The following NEMP1 variants were observed in gnomAD, a reference collection of about 807,000 sequenced individuals.
NEMP1 encodes nuclear envelope integral membrane protein 1.
Under a neutral mutation model 53.7 loss-of-function variants are expected in NEMP1, and 29 were observed. That is an observed-to-expected ratio of 0.54 (90% CI 0.40 to 0.74). The LOEUF (loss-of-function observed/expected upper bound fraction) is 0.74, where lower values mean the gene tolerates loss of function less well. Ranked by LOEUF, NEMP1 falls within the 30% of genes least tolerant of loss-of-function variation. NEMP1 has a pLI of 0.00. For missense variants in NEMP1, 477 were observed against 528.6 expected (o/e 0.90, Z 0.96); for synonymous variants, 193 against 192.9 (o/e 1.00, Z 0.00).
At chr12:57,064,255 G>T in intron 5 of NEMP1, 70 bp from the exon 6 acceptor site, 1 of 929,898 alleles carries the variant, frequency 1.1e-6, no homozygotes. Flanking sequence ...AAGCAAAATG[G>T]AACTATGATT....
intron 5 of NEMP1, 46 bp downstream of exon 5, chr12:57,064,600 G>A: frequency 6.9e-7 from 1 of 1,445,602 alleles, no homozygotes; most frequent in Non-Finnish European, 9.6e-7. Context: ...CAGTCCTTCA[G>A]CTATCCAAAT....
intron 4 of NEMP1, among the ~76,000 whole-genome samples, chr12:57,065,810 C>G (rs543745645): frequency 6.6e-6 from 1 of 152,000 alleles, no homozygotes; most frequent in South Asian, 2.1e-4. Context: ...CTACCTTGCA[C>G]TTATGTAATA....
At chr12:57,068,809 G>A (rs1042352784) in intron 4 of NEMP1, among the ~76,000 whole-genome samples, 3 of 152,050 alleles carry the variant, frequency 2.0e-5, no homozygotes, top group African/African-American at 4.8e-5. Flanking sequence ...CTCATGATCC[G>A]CCAGCCTTGG....
chr12:57,071,956 G>C (rs1397137900), intron 2 of NEMP1, among the ~76,000 whole-genome samples: 1 of 152,178 alleles, frequency 6.6e-6, no homozygotes, highest in African/African-American at 2.4e-5. Flanking sequence ...CACTGTTACA[G>C]CCAGACATTC....
At chr12:57,069,858 C>T (rs960910236) in intron 3 of NEMP1, among the ~76,000 whole-genome samples, 3 of 149,790 alleles carry the variant, frequency 2.0e-5, no homozygotes, top group African/African-American at 7.4e-5. Context: ...ATACCAGATA[C>T]TCCCACAGCT....
In NEMP1 at chr12:57,063,182, A is replaced by C. The variant is rs1469896776; in HGVS notation, c.917T>G (p.Ile306Ser). 1.9e-6 allele frequency: 3 copies of C among 1,614,200 alleles called. No individual in the cohort carries two copies. Among genetic ancestry groups the C allele is most frequent in the Non-Finnish European group, 2.5e-6 (3 of 1,180,042 alleles). Residue 306 changes from isoleucine (I) to serine (S), a missense_variant, in exon 7 of 9, where the codon ATC becomes AGC. By Grantham distance (142) the Ile-to-Ser change is moderately radical (BLOSUM62 -2). Transcript: ENST00000300128. ...GTTCTTAGTACAAAGAGCAATGATG[A>C]TAATGGCAAGGGCAATATGTGGTAT... ...IQIPHIALAI[I>S]IIALCTKNLE...
chr12:57,072,985 T>A, intron 1 of NEMP1, 73 bp from the exon 2 acceptor site: 1 of 1,368,934 alleles, frequency 7.3e-7, no homozygotes, highest in Non-Finnish European at 9.8e-7. Flanking sequence ...TGAAAAAGAT[T>A]AAACTAACCA....
chr12:57,080,886 C>T (rs2032827544), upstream of NEMP1, among the ~76,000 whole-genome samples: 1 of 140,378 alleles, frequency 7.1e-6, no homozygotes, highest in South Asian at 2.2e-4. Context: ...GCGAGCCTCT[C>T]TTGTCTCAAA....
chr12:57,058,336 T>TA lies in NEMP1; in HGVS notation c.*1542dup, dbSNP rs1187103186. 1 of 152,176 alleles carries TA rather than the reference T, an allele frequency of 6.6e-6. No homozygotes were observed. The highest frequency in any genetic ancestry group is 2.4e-5 in the African/African-American group (1 of 41,410). The allele number at this position is 152,176 out of a possible 1,614,324, so 9.4% of individuals were successfully genotyped here. ...GTCTAAAGGAGTCATTACGGCTTTT[T>TA]AAAAAATCATCTGCCTTTTTCCATC... On this transcript the variant is annotated 3_prime_UTR_variant, in exon 9 of 9. Coordinates refer to ENST00000300128, the MANE Select transcript of NEMP1 (RefSeq NM_001130963.2).
intron 6 of NEMP1, 21 bp from the exon 7 acceptor site, chr12:57,063,365 A>T (rs2031915189): frequency 6.3e-7 from 1 of 1,597,026 alleles, no homozygotes; most frequent in Admixed American, 1.7e-5. Context: ...AGTTATCAGA[A>T]GACATTCTTT....
chr12:57,061,089 T>C lies in NEMP1; in HGVS notation c.981-144A>G, dbSNP rs549715782. On this transcript the variant is annotated intron_variant, in intron 7 of 8. Coordinates refer to ENST00000300128, the MANE Select transcript of NEMP1 (RefSeq NM_001130963.2). The stretch of plus-strand genomic sequence containing the variant: ...CTCCTAAAAATTCCATGGACATCTT[T>C]AGTTATAATGAACTCCTGATACATT... 97 of 755,336 alleles carry C rather than the reference T, an allele frequency of 1.3e-4. No individual in the cohort carries two copies. The African/African-American group carries it at 1.6e-3, about 13-fold the overall frequency. The allele number at this position is 755,336 out of a possible 1,614,324, so 46.8% of individuals were successfully genotyped here.
In NEMP1 at chr12:57,086,317, C is replaced by G. The variant is rs1407236866; in HGVS notation, n.113+1634G>C. ...TACTGTTTCCCTTCACGGAGGAGAC[C>G]AGCACAGATAAAAGAATATTAATCC... On this transcript the variant is annotated intron_variant and non_coding_transcript_variant, in intron 1 of 2. Coordinates refer to the NEMP1 transcript ENST00000553654. Among the ~76,000 whole-genome samples the G allele has an allele frequency of 3.3e-5, 5 of 152,228 alleles. No individual in the cohort carries two copies. In the East Asian group the frequency reaches 9.6e-4, roughly 29 times the overall value.
chr12:57,070,712 A>G lies in NEMP1; in HGVS notation c.434T>C (p.Ile145Thr). The G allele has an allele frequency of 6.4e-7, 1 of 1,559,972 alleles. No homozygotes were observed. The highest frequency in any genetic ancestry group is 8.7e-7 in the Non-Finnish European group (1 of 1,151,036). Residue 145 changes from isoleucine (I) to threonine (T), a missense_variant, in exon 3 of 9, where the codon ATA becomes ACA. Coordinates refer to ENST00000300128, the MANE Select transcript of NEMP1 (RefSeq NM_001130963.2). ...GACACTGTACTTGGTGTCCTTCTCT[A>G]TAATCTCAACTTTGAGGCAGGTTTT... ...STKTCLKVEI[I>T]EKDTKYSVIV... is the part of the protein sequence containing the mutation.
intron 4 of NEMP1, 96 bp from the exon 5 acceptor site, chr12:57,064,835 A>AGGTACAAGATTAGAGC: frequency 1.1e-6 from 1 of 918,420 alleles, no homozygotes; most frequent in Non-Finnish European, 1.7e-6. Flanking sequence ...AGATTTTAAA[A>AGGTACAAGATTAGAGC]GGTACAAGAT....
intron 8 of NEMP1, 135 bp downstream of exon 8, chr12:57,060,637 C>G: frequency 1.2e-6 from 1 of 857,790 alleles, no homozygotes; most frequent in Non-Finnish European, 1.8e-6. Flanking sequence ...TATATATCCA[C>G]CCTTCTCTTG....
intron 1 of NEMP1, among the ~76,000 whole-genome samples, chr12:57,086,984 C>T: frequency 6.6e-6 from 1 of 152,342 alleles, no homozygotes; most frequent in Non-Finnish European, 1.5e-5. Flanking sequence ...GGCACAAAGA[C>T]ACAAACACCC....
intron 1 of NEMP1, among the ~76,000 whole-genome samples, chr12:57,074,631 T>C (rs2032516287): frequency 2.0e-5 from 3 of 152,206 alleles, no homozygotes; most frequent in African/African-American, 7.2e-5. Context: ...TATAGTACTT[T>C]TGGAGGATAC....
At chr12:57,088,410 C>G (rs1490635520), upstream of NEMP1, among the ~76,000 whole-genome samples, 1 of 152,220 alleles carries the variant, frequency 6.6e-6, no homozygotes, top group East Asian at 1.9e-4. Context: ...CCCTGCAGAG[C>G]CCCACGCTCT....
Position 57,058,704 on chromosome 12 carries a change from G to A in NEMP1, c.*1175C>T, listed in dbSNP as rs2031649968. On this transcript the variant is annotated 3_prime_UTR_variant, in exon 9 of 9. Transcript: ENST00000300128. ...AAGATAACCTGGAGCCTATTTCCTG[G>A]CAATGCAAATTGTGGCTGCTGCATA... The A allele has an allele frequency of 6.6e-6, 1 of 152,204 alleles. No individual in the cohort carries two copies. Among genetic ancestry groups the A allele is most frequent in the African/African-American group, 2.4e-5 (1 of 41,442 alleles). 9.4% of individuals were successfully genotyped at this position (152,204 alleles called of 1,614,324 possible).
Sources: allele counts gnomAD v4.1 joint callset (sites outside exome capture counted in the v4.1 genomes callset), GRCh38; gene constraint gnomAD v4.1.1; transcripts MANE v1.5; gene names NCBI Gene and HGNC (gene_info 2026-07-23, HGNC 2026-07-21).